Variants in TNS3 observed in about 807,000 individuals in gnomAD.
TNS3 encodes the protein tensin-3.
A neutral mutation model predicts 140.9 loss-of-function variants in TNS3; 45 were observed. That is an observed-to-expected ratio of 0.32 (90% CI 0.25 to 0.41). TNS3 has a LOEUF of 0.41. Ranked by LOEUF, TNS3 falls within the 10% of genes least tolerant of loss-of-function variation. TNS3 has a pLI of 1.00. For synonymous variants in TNS3, 815 were observed against 788.4 expected (o/e 1.03, Z -0.56); for missense variants, 1,716 against 1,906.7 (o/e 0.90, Z 1.86).
At chr7:47,493,449 A>G (rs1328673391) in intron 3 of TNS3, among the ~76,000 whole-genome samples, 1 of 152,174 alleles carries the variant, frequency 6.6e-6, no homozygotes, top group Non-Finnish European at 1.5e-5. Context: ...TTTCCCTGAA[A>G]TACATTTTGG....
rs989875193 is a variant in TNS3 at position 47,315,898 on chromosome 7, G to A, written c.2651-10895C>T. Among the ~76,000 whole-genome samples the A allele has an allele frequency of 2.6e-5, 4 of 152,160 alleles. No individual in the cohort carries two copies. The East Asian group carries it at 7.7e-4, about 29-fold the overall frequency. ...CAATTAGTAACTACAAATCGCCTTT[G>A]AATGTTTTATATCACCTTTAATGAA... On this transcript the variant is annotated intron_variant, in intron 20 of 30. Coordinates refer to ENST00000311160, the MANE Select transcript of TNS3 (RefSeq NM_022748.12).
At chr7:47,402,257 G>A (rs995687281) in intron 13 of TNS3, among the ~76,000 whole-genome samples, 3 of 152,222 alleles carry the variant, frequency 2.0e-5, no homozygotes, top group Non-Finnish European at 4.4e-5. Context: ...AATTAAGACT[G>A]TGGAAGGATG....
intron 1 of TNS3, among the ~76,000 whole-genome samples, chr7:47,540,553 G>A (rs576514894): frequency 1.3e-5 from 2 of 152,246 alleles, no homozygotes; most frequent in South Asian, 4.2e-4. Context: ...ACAGATACGT[G>A]AGCAACGTGT....
chr7:47,576,605 T>C (rs1800681498), intron 1 of TNS3, among the ~76,000 whole-genome samples: 1 of 152,108 alleles, frequency 6.6e-6, no homozygotes. Context: ...CCAGGCCCCT[T>C]TGTTTGCAGA....
chr7:47,447,014 T>G (rs1208406885), intron 4 of TNS3, among the ~76,000 whole-genome samples: 2 of 132,456 alleles, frequency 1.5e-5, no homozygotes, highest in Non-Finnish European at 3.4e-5. Context: ...GCATTTTCCT[T>G]CTACAGGTCC....
rs370802546 is a variant in TNS3 at position 47,368,440 on chromosome 7, C to T, written c.2206G>A (p.Val736Met). 1.5e-5 allele frequency: 24 copies of T among 1,554,194 alleles called. No individual in the cohort carries two copies. The East Asian group carries it at 3.4e-4, about 22-fold the overall frequency. The stretch of plus-strand genomic sequence containing the variant: ...CTGCTTGCCCGGAGCCCACCTCCCA[C>T]GCTGTCTGGAGACACAGAGCCATTG... The part of the protein sequence containing the change: ...QANGSVSPDS[V>M]GGGLRASSRL... The change falls in exon 17 of 31, where the codon GTG becomes ATG. Residue 736 changes from valine (V) to methionine (M), a missense_variant. By Grantham distance (21) the Val-to-Met change is conservative. This residue lies in a region of TNS3 where 1,163 missense variants were observed against 1,182.1 expected (regional missense o/e 0.98). Coordinates refer to ENST00000311160, the MANE Select transcript of TNS3 (RefSeq NM_022748.12).
Position 47,303,360 on chromosome 7 carries a change from C to A in TNS3, c.3047G>T (p.Ser1016Ile), listed in dbSNP as rs763521840. 14 of 1,613,468 alleles carry A rather than the reference C, an allele frequency of 8.7e-6. No individual in the cohort carries two copies. The highest frequency in any genetic ancestry group is 1.3e-5 in the African/African-American group (1 of 74,944). ...EPPDSLAPPS[S>I]QAFLGFGTAP... is the part of the protein sequence containing the mutation. ...GGTGCCGAAGCCCAGGAAGGCCTGG[C>A]TGCTGGGAGGCGCCAGGGAGTCCGG... Residue 1016 changes from serine (S) to isoleucine (I), a missense_variant, in exon 22 of 31, where the codon AGC (serine) becomes ATC (isoleucine). Physicochemically the swap from Ser to Ile is moderately radical, Grantham distance 142. This residue lies in a region of TNS3 where 1,163 missense variants were observed against 1,182.1 expected (regional missense o/e 0.98). Transcript: ENST00000311160.
intron 4 of TNS3, among the ~76,000 whole-genome samples, chr7:47,468,977 A>G (rs1443714870): frequency 6.6e-6 from 1 of 152,222 alleles, no homozygotes; most frequent in African/African-American, 2.4e-5. Flanking sequence ...CAACAAAAAC[A>G]AGCAATGGGG....
chr7:47,466,956 A>G (rs1346909355), intron 4 of TNS3, among the ~76,000 whole-genome samples: 1 of 152,184 alleles, frequency 6.6e-6, no homozygotes, highest in Non-Finnish European at 1.5e-5. Context: ...TTGGTTCCCT[A>G]CATCCCCCAA....
intron 16 of TNS3, among the ~76,000 whole-genome samples, chr7:47,370,892 C>T (rs1791031016): frequency 6.6e-6 from 1 of 152,222 alleles, no homozygotes; most frequent in African/African-American, 2.4e-5. Flanking sequence ...GCCCCGGGCT[C>T]CAGGTTGATG....
chr7:47,405,917 G>T (rs1471121424), intron 13 of TNS3, among the ~76,000 whole-genome samples: 2 of 152,116 alleles, frequency 1.3e-5, no homozygotes, highest in Admixed American at 6.5e-5. Context: ...AAATTCAAGT[G>T]GCCGTGGATT....
At chr7:47,414,066 A>G (rs1793938497) in intron 11 of TNS3, 69 bp from the exon 12 acceptor site, 1 of 1,552,758 alleles carries the variant, frequency 6.4e-7, no homozygotes, top group African/African-American at 1.4e-5. Context: ...TGGCAATCAG[A>G]AAGACAGAAA....
At position 47,278,240 on chromosome 7, in the gene TNS3, T is replaced by C; in HGVS notation, c.4194-20A>G. 2 of 1,609,770 alleles carry C rather than the reference T, an allele frequency of 1.2e-6. No individual in the cohort carries two copies. Among genetic ancestry groups the C allele is most frequent in the Non-Finnish European group, 1.7e-6 (2 of 1,177,978 alleles). On this transcript the variant is annotated intron_variant, in intron 30 of 30. Coordinates refer to ENST00000311160, the MANE Select transcript of TNS3 (RefSeq NM_022748.12). ...AAGACTCTGCCAAAGGAAAGTCCAG[T>C]CAGAGTGGTCAGTGTCCCACAAAGT...
At chr7:47,411,643 T>C (rs1793775874) in intron 13 of TNS3, 84 bp downstream of exon 13, 7 of 1,439,032 alleles carry the variant, frequency 4.9e-6, no homozygotes, top group Non-Finnish European at 6.7e-6. Context: ...AGGGTTACTG[T>C]TTTAACACAG....
In TNS3 at chr7:47,448,310, T is replaced by C. The variant is rs370009195; in HGVS notation, c.-75-6255A>G. Among the ~76,000 whole-genome samples, 67 of 152,264 alleles carry C rather than the reference T, an allele frequency of 4.4e-4. 1 individual carries two copies. The highest frequency in any genetic ancestry group is 1.5e-3 in the African/African-American group (63 of 41,554). On this transcript the variant is annotated intron_variant, in intron 4 of 30. Coordinates refer to ENST00000311160, the MANE Select transcript of TNS3 (RefSeq NM_022748.12). ...CCTCTGCAACAAAACTTCCTTGAAG[T>C]CCACGACGTCCCAGGGAGACATGGG...
In TNS3 at chr7:47,303,018, A is replaced by G. The variant is rs1786497205; in HGVS notation, c.3389T>C (p.Ile1130Thr). Residue 1130 changes from isoleucine (I) to threonine (T), a missense_variant, in exon 22 of 31, where the codon ATC becomes ACC. Coordinates refer to ENST00000311160, the MANE Select transcript of TNS3 (RefSeq NM_022748.12). ...GFSSPHSGST[I>T]SIPFPNVLPD... The stretch of plus-strand genomic sequence containing the variant: ...AAGGACATTTGGGAAGGGGATACTG[A>G]TGGTGCTCCCGCTGTGCGGGCTGGA... The G allele has an allele frequency of 6.2e-7, 1 of 1,613,990 alleles. No homozygotes were observed. The highest frequency in any genetic ancestry group is 8.5e-7 in the Non-Finnish European group (1 of 1,179,924).
intron 17 of TNS3, among the ~76,000 whole-genome samples, chr7:47,366,529 C>T (rs141136498): frequency 7.5e-4 from 114 of 152,308 alleles, no homozygotes; most frequent in African/African-American, 2.5e-3. Flanking sequence ...TGCCCTTTAC[C>T]CACTTGCATC....
intron 23 of TNS3, among the ~76,000 whole-genome samples, chr7:47,298,761 A>G (rs1462574209): frequency 6.6e-6 from 1 of 152,244 alleles, no homozygotes; most frequent in Non-Finnish European, 1.5e-5. Flanking sequence ...CCCACAGCCA[A>G]GGCATCTGTC....
rs1374830967 is a variant in TNS3 at position 47,434,023 on chromosome 7, T to C, written c.324+1259A>G. On this transcript the variant is annotated intron_variant, in intron 8 of 30. Transcript: ENST00000311160. ...GACGATTTGGTGGTCCTAATGGGTGTACCTGTCCATTTGGGGGGAAAATAT... is the reference window on the plus strand; with the variant it reads ...GACGATTTGGTGGTCCTAATGGGTGCACCTGTCCATTTGGGGGGAAAATAT... 2.0e-5 allele frequency among the ~76,000 whole-genome samples: 3 copies of C among 152,122 alleles called. No homozygotes were observed. In the East Asian group the frequency reaches 5.8e-4, roughly 29 times the overall value.
Sources: allele counts gnomAD v4.1 joint callset (sites outside exome capture counted in the v4.1 genomes callset), GRCh38; gene constraint gnomAD v4.1.1; regional missense constraint gnomAD v4.1.1; transcripts MANE v1.5; gene names NCBI Gene and HGNC (gene_info 2026-07-23, HGNC 2026-07-21).